DMRT1: variants seen among roughly 807,000 people sequenced by gnomAD.
DMRT1 encodes doublesex- and mab-3-related transcription factor 1.
In DMRT1, 7 loss-of-function variants were observed where a neutral mutation model predicts 32.3. The observed-to-expected ratio is 0.22, with a 90% CI of 0.12 to 0.41. The LOEUF (loss-of-function observed/expected upper bound fraction) is 0.41. DMRT1 is among the 10% of genes least tolerant of loss of function. The pLI is 1.00. For missense variants in DMRT1, 625 were observed against 500.5 expected, an observed-to-expected ratio of 1.25 and a Z score of -2.37; for synonymous variants, 278 against 206.1, an observed-to-expected ratio of 1.35 and a Z score of -2.99.
intron 2 of DMRT1, among the ~76,000 whole-genome samples, chr9:850,727 C>T (rs531173532): frequency 8.8e-6 from 1 of 113,026 alleles, no homozygotes; most frequent in South Asian, 2.9e-4. Context: ...CCTAGAATTC[C>T]ACTGTATAGA....
Position 847,032 on chromosome 9 carries a change from G to T in DMRT1, c.427G>T (p.Ala143Ser), listed in dbSNP as rs766733993. The T allele has an allele frequency of 2.5e-6, 4 of 1,614,002 alleles. No homozygotes were observed. The Admixed American group carries it at 6.7e-5, about 27-fold the overall frequency. The change falls in exon 2 of 5, where the codon GCC becomes TCC. Residue 143 changes from alanine (A) to serine (S), a missense_variant. Around this residue, in one of 3 missense-constraint regions of DMRT1, gnomAD observed 416 missense variants for 321.6 expected, o/e 1.29. Transcript: ENST00000382276. ...CCACCCCATCCCACTGCCCAGTGCG[G>T]CCGAGCTGCTTGTCAAAAGAGAGAA... Reference protein sequence around the residue: ...ISHPIPLPSAAELLVKRENNG... With the variant: ...ISHPIPLPSASELLVKRENNG...
intron 4 of DMRT1, among the ~76,000 whole-genome samples, chr9:922,022 A>C (rs1380523679): frequency 1.3e-5 from 2 of 150,954 alleles, no homozygotes; most frequent in Admixed American, 1.3e-4. Context: ...CTAGGACTAC[A>C]GGTGAGCACC....
intron 3 of DMRT1, among the ~76,000 whole-genome samples, chr9:906,051 A>G (rs901995267): frequency 2.6e-5 from 2 of 75,482 alleles, no homozygotes; most frequent in Non-Finnish European, 7.7e-5. Context: ...ACACACACAC[A>G]CTCACACACT....
chr9:911,470 ATTTTTTTTTTTTTTTTTTTTTTTTTT>A (rs201141931), intron 3 of DMRT1, among the ~76,000 whole-genome samples: 734 of 67,000 alleles, frequency 0.011, 15 homozygotes, highest in South Asian at 0.059. Context: ...GGTTAATTGC[ATTTTTTTTTTTTTTTTTTTTTTTTTT>A]TTTTTTTTTT....
intron 4 of DMRT1, among the ~76,000 whole-genome samples, chr9:936,589 T>C (rs1370356726): frequency 2.0e-5 from 3 of 152,032 alleles, no homozygotes; most frequent in Non-Finnish European, 2.9e-5. Flanking sequence ...CTGTCTCTAC[T>C]AAAAATACAA....
At chr9:947,986 G>T (rs946817385) in intron 4 of DMRT1, among the ~76,000 whole-genome samples, 4 of 152,192 alleles carry the variant, frequency 2.6e-5, no homozygotes, top group Non-Finnish European at 5.9e-5. Context: ...GCTGCTGACT[G>T]GGAGGTGCTG....
chr9:901,349 C>T (rs1817565944), intron 3 of DMRT1, among the ~76,000 whole-genome samples: 1 of 151,292 alleles, frequency 6.6e-6, no homozygotes, highest in Non-Finnish European at 1.5e-5. Context: ...TATTGTGAGA[C>T]AGAGCCTCAC....
intron 4 of DMRT1, among the ~76,000 whole-genome samples, chr9:924,667 G>C (rs745839922): frequency 1.3e-5 from 2 of 152,168 alleles, no homozygotes; most frequent in Non-Finnish European, 2.9e-5. Context: ...GAGTGAGGAA[G>C]ATGGAGCATA....
chr9:952,850 T>C (rs941037388), intron 4 of DMRT1, among the ~76,000 whole-genome samples: 1 of 152,186 alleles, frequency 6.6e-6, no homozygotes, highest in African/African-American at 2.4e-5. Context: ...AAGGGTGAAA[T>C]TAATTATATT....
chr9:845,055 T>G (rs1838849000), intron 1 of DMRT1, among the ~76,000 whole-genome samples: 4 of 152,172 alleles, frequency 2.6e-5, no homozygotes, highest in Admixed American at 2.6e-4. Flanking sequence ...CGTTTTGATT[T>G]CACCTTTGGC....
At chr9:868,873 G>C (rs546213442) in intron 2 of DMRT1, among the ~76,000 whole-genome samples, 2 of 152,134 alleles carry the variant, frequency 1.3e-5, no homozygotes, top group Admixed American at 1.3e-4. Flanking sequence ...AGCTGGGTAT[G>C]GTGGCACACA....
intron 4 of DMRT1, among the ~76,000 whole-genome samples, chr9:919,851 T>G (rs556116743): frequency 6.6e-6 from 1 of 152,144 alleles, no homozygotes; most frequent in Non-Finnish European, 1.5e-5. Context: ...ATTTTAAAGA[T>G]AGAACCAACA....
chr9:920,865 G>A (rs1214546122), intron 4 of DMRT1, among the ~76,000 whole-genome samples: 1 of 152,126 alleles, frequency 6.6e-6, no homozygotes, highest in Non-Finnish European at 1.5e-5. Flanking sequence ...GGGTCTGGGA[G>A]TGCTTTGTTA....
intron 1 of DMRT1, 193 bp downstream of exon 1, chr9:842,385 C>T (rs746172391): frequency 1.5e-6 from 1 of 687,048 alleles, no homozygotes; most frequent in Non-Finnish European, 2.4e-6. Flanking sequence ...CAGGCGCACA[C>T]CACCATGCCC....
At chr9:864,487 C>T (rs1815873070) in intron 2 of DMRT1, among the ~76,000 whole-genome samples, 1 of 139,240 alleles carries the variant, frequency 7.2e-6, no homozygotes, top group Non-Finnish European at 1.5e-5. Flanking sequence ...GCCACCATGC[C>T]CAGCCAGTAC....
intron 3 of DMRT1, among the ~76,000 whole-genome samples, chr9:913,320 A>G (rs1818054265): frequency 6.6e-6 from 1 of 152,172 alleles, no homozygotes; most frequent in African/African-American, 2.4e-5. Flanking sequence ...ATTACGGCTT[A>G]TGTCGGCACC....
At chr9:940,341 A>G (rs890690008) in intron 4 of DMRT1, among the ~76,000 whole-genome samples, 1 of 152,206 alleles carries the variant, frequency 6.6e-6, no homozygotes, top group Non-Finnish European at 1.5e-5. Context: ...CAGATAAACA[A>G]AAGAAGGCAC....
At chr9:928,459 C>G (rs1436711482) in intron 4 of DMRT1, among the ~76,000 whole-genome samples, 1 of 152,188 alleles carries the variant, frequency 6.6e-6, no homozygotes, top group Admixed American at 6.5e-5. Context: ...CCTTCCCAGC[C>G]ATACTCTCTG....
At chr9:935,289 G>C (rs1484292086) in intron 4 of DMRT1, among the ~76,000 whole-genome samples, 2 of 152,166 alleles carry the variant, frequency 1.3e-5, no homozygotes, top group African/African-American at 4.8e-5. Flanking sequence ...CGGACTATCA[G>C]AGCTAACAGC....
Sources: gnomAD v4.1 joint callset for allele counts (sites outside exome capture counted in the v4.1 genomes callset) on GRCh38, gnomAD v4.1.1 for gene constraint, gnomAD v4.1.1 regional missense constraint, MANE v1.5 for transcripts, NCBI Gene and HGNC (gene_info 2026-07-23, HGNC 2026-07-21) for gene names.